Variants in GEMIN5 observed in about 807,000 individuals in gnomAD.
The protein encoded by GEMIN5 is gem nuclear organelle associated protein 5.
A neutral mutation model predicts 176.9 loss-of-function variants in GEMIN5; 124 were observed. The observed-to-expected ratio is 0.70, with a 90% CI of 0.61 to 0.81. The LOEUF is 0.81. Among genes scored for constraint, GEMIN5 ranks in the 40% least tolerant of loss-of-function variants. The pLI is 0.00. For synonymous variants in GEMIN5, 673 were observed against 665.2 expected (o/e 1.01, Z -0.18); for missense variants, 1,843 against 1,814.6 (o/e 1.02, Z -0.28).
intron 25 of GEMIN5, 85 bp downstream of exon 25, chr5:154,892,302 A>T (rs1198217700): frequency 2.7e-6 from 3 of 1,091,030 alleles, no homozygotes; most frequent in Non-Finnish European, 2.7e-6. Context: ...TCTTTTAAGA[A>T]TCTAGGTACT....
At chr5:154,888,401 G>A (rs1763153367) in intron 27 of GEMIN5, 24 bp from the exon 28 acceptor site, 1 of 1,602,448 alleles carries the variant, frequency 6.2e-7, no homozygotes, top group Non-Finnish European at 8.5e-7. Flanking sequence ...ACATGAGGAT[G>A]AATAAGGAAG....
At chr5:154,926,389 T>C (rs1764037498) in intron 7 of GEMIN5, among the ~76,000 whole-genome samples, 1 of 152,118 alleles carries the variant, frequency 6.6e-6, no homozygotes, top group African/African-American at 2.4e-5. Flanking sequence ...AACCCCCTCA[T>C]TTGGCAAACT....
chr5:154,913,627 C>T (rs187539224), intron 13 of GEMIN5, among the ~76,000 whole-genome samples: 13 of 151,888 alleles, frequency 8.6e-5, no homozygotes, highest in African/African-American at 2.9e-4. Flanking sequence ...AGTTCAAGAC[C>T]GGCCTGTGGA....
At chr5:154,915,285 T>G (rs896726734) in intron 13 of GEMIN5, among the ~76,000 whole-genome samples, 3 of 152,230 alleles carry the variant, frequency 2.0e-5, no homozygotes, top group Non-Finnish European at 4.4e-5. Context: ...AAGTAAATTC[T>G]AGAGAAATGA....
Position 154,931,542 on chromosome 5 carries a change from G to C in GEMIN5, c.697C>G (p.Gln233Glu), listed in dbSNP as rs1416155593. The C allele has an allele frequency of 3.7e-6, 6 of 1,610,864 alleles. No homozygotes were observed. Among genetic ancestry groups the C allele is most frequent in the Non-Finnish European group, 5.1e-6 (6 of 1,177,460 alleles). Residue 233 changes from glutamine to glutamate, a missense_variant, in exon 5 of 28, where the codon CAA becomes GAA. Coordinates refer to ENST00000285873, the MANE Select transcript of GEMIN5 (RefSeq NM_015465.5). ...TAGCAACCTTTTGTTACTGGAGCTT[G>C]TGCTACAGCATTCCCGTTGGTAATT... ...AEITNGNAVAQAPVTKGCYLA... is the reference protein window; with the variant it reads ...AEITNGNAVAEAPVTKGCYLA...
intron 11 of GEMIN5, among the ~76,000 whole-genome samples, chr5:154,918,729 AG>A (rs1367189563): frequency 2.0e-5 from 3 of 152,248 alleles, no homozygotes; most frequent in Non-Finnish European, 2.9e-5. Flanking sequence ...TAGCCATAAA[AG>A]TAATGAGCAA....
chr5:154,920,570 A>C (rs899365555), intron 10 of GEMIN5, among the ~76,000 whole-genome samples: 1 of 152,238 alleles, frequency 6.6e-6, no homozygotes, highest in Non-Finnish European at 1.5e-5. Flanking sequence ...ATTTTTAAGA[A>C]GCAAACAGTA....
chr5:154,895,798 G>A (rs984087805), intron 24 of GEMIN5, among the ~76,000 whole-genome samples: 14 of 152,304 alleles, frequency 9.2e-5, no homozygotes, highest in African/African-American at 3.4e-4. Flanking sequence ...TGAGGCGGGA[G>A]AATCACTTGA....
rs527600011 is a variant in GEMIN5 at position 154,891,600 on chromosome 5, G to A, written c.3903C>T (p.Val1301=). 1 of 1,614,116 alleles carries A rather than the reference G, an allele frequency of 6.2e-7. No homozygotes were observed. Among genetic ancestry groups the A allele is most frequent in the East Asian group, 2.2e-5 (1 of 44,878 alleles). ...SLSRPCPNSS[V]WVRAGHRTLS... is the part of the protein sequence containing the mutation. ...GTGTTCTGTGACCAGCCCTTACCCA[G>A]ACACTGGAATTTGGGCAAGGTCTGG... Residue 1301 remains valine (V), a synonymous_variant, in exon 26 of 28, where the codon GTC becomes GTT. Coordinates refer to ENST00000285873, the MANE Select transcript of GEMIN5 (RefSeq NM_015465.5).
At chr5:154,922,467 T>C (rs1763944037) in intron 9 of GEMIN5, among the ~76,000 whole-genome samples, 1 of 152,088 alleles carries the variant, frequency 6.6e-6, no homozygotes. Context: ...CTTTAGCCTA[T>C]ATCTAAAAGA....
intron 6 of GEMIN5, 24 bp downstream of exon 6, chr5:154,928,503 A>T (rs1561727985): frequency 1.2e-6 from 2 of 1,612,026 alleles, no homozygotes; most frequent in African/African-American, 2.7e-5. Context: ...TATATCTGAG[A>T]AAGCATGACC....
intron 7 of GEMIN5, among the ~76,000 whole-genome samples, chr5:154,926,478 C>T (rs1158333633): frequency 6.6e-6 from 1 of 152,186 alleles, no homozygotes; most frequent in Non-Finnish European, 1.5e-5. Flanking sequence ...TTATCATACC[C>T]AGGGAAGGAG....
At chr5:154,937,812 C>G (rs947354278) in intron 1 of GEMIN5, among the ~76,000 whole-genome samples, 156 bp downstream of exon 1, 2 of 152,322 alleles carry the variant, frequency 1.3e-5, no homozygotes, top group Non-Finnish European at 2.9e-5. Context: ...CATTAGGAGA[C>G]CAGAAGCAAC....
At position 154,887,945 on chromosome 5, in the gene GEMIN5, A is replaced by ACT; in HGVS notation, c.*264_*265insAG. ...CTGCCTAAGGCTGTAGAGATGACCA[A>ACT]CACTCTGCAGGTGTTAGTTCTGAAT... is the stretch of plus-strand genomic sequence containing the variant. On this transcript the variant is annotated 3_prime_UTR_variant, in exon 28 of 28. Transcript: ENST00000285873. The ACT allele has an allele frequency of 2.4e-6, 1 of 418,466 alleles. No homozygotes were observed. Among genetic ancestry groups the ACT allele is most frequent in the South Asian group, 2.5e-5 (1 of 39,950 alleles). 25.9% of individuals were successfully genotyped at this position (418,466 alleles called of 1,614,324 possible).
At chr5:154,925,087 C>T (rs941173029) in intron 8 of GEMIN5, among the ~76,000 whole-genome samples, 18 of 151,924 alleles carry the variant, frequency 1.2e-4, no homozygotes, top group African/African-American at 4.1e-4. Context: ...TCTCTCTTTC[C>T]AGATATTTTT....
rs898441180 is a variant in GEMIN5 at position 154,938,153 on chromosome 5, C to G, written c.-20G>C. 16 of 1,355,486 alleles carry G rather than the reference C, an allele frequency of 1.2e-5. No homozygotes were observed. The highest frequency in any genetic ancestry group is 2.4e-4 in the Middle Eastern group (1 of 4,230). The allele number at this position is 1,355,486 out of a possible 1,614,324, so 84.0% of individuals were successfully genotyped here. ...CCCCATAACTACAAGCCGTCAGAGA[C>G]AAGAGAAGCTGCCACAGCCGACCGC... On this transcript the variant is annotated 5_prime_UTR_variant, in exon 1 of 28. Coordinates refer to ENST00000285873, the MANE Select transcript of GEMIN5 (RefSeq NM_015465.5).
chr5:154,907,952 G>A (rs1475888865), intron 15 of GEMIN5, 134 bp from the exon 16 acceptor site: 1 of 653,732 alleles, frequency 1.5e-6, no homozygotes, highest in Non-Finnish European at 2.7e-6. Context: ...TGAACTTTTA[G>A]AATTATATTA....
intron 7 of GEMIN5, 39 bp downstream of exon 7, chr5:154,927,345 CT>C (rs1764062624): frequency 7.1e-7 from 1 of 1,406,220 alleles, no homozygotes; most frequent in Middle Eastern, 2.0e-4. Flanking sequence ...AAGTTGTAAA[CT>C]GCTGCTCTAC....
chr5:154,893,479 G>C (rs1057485979), intron 24 of GEMIN5, among the ~76,000 whole-genome samples: 1 of 151,424 alleles, frequency 6.6e-6, no homozygotes, highest in Admixed American at 6.6e-5. Context: ...GTACAACTAA[G>C]AAAAATGTGC....
Sources: allele counts gnomAD v4.1 joint callset (sites outside exome capture counted in the v4.1 genomes callset), GRCh38; gene constraint gnomAD v4.1.1; transcripts MANE v1.5; gene names NCBI Gene and HGNC (gene_info 2026-07-23, HGNC 2026-07-21).